Variants in SRRM3 observed in about 807,000 individuals in gnomAD.
The protein encoded by SRRM3 is serine/arginine repetitive matrix 3.
Under a neutral mutation model 66.2 loss-of-function variants are expected in SRRM3, and 27 were observed. That is an observed-to-expected ratio of 0.41 (90% CI 0.30 to 0.56). The LOEUF (loss-of-function observed/expected upper bound fraction) is 0.56. SRRM3 is among the 20% of genes least tolerant of loss of function. SRRM3 has a pLI of 0.32. For missense variants in SRRM3, 918 were observed against 991.9 expected (o/e 0.93, Z 1.00); for synonymous variants, 391 against 414.9 (o/e 0.94, Z 0.70).
intron 1 of SRRM3, among the ~76,000 whole-genome samples, chr7:76,225,974 G>A (rs1305771570): frequency 6.6e-6 from 1 of 152,120 alleles, no homozygotes; most frequent in Admixed American, 6.6e-5. Flanking sequence ...CCCCAGGGCA[G>A]GGCTGGGCCT....
At chr7:76,251,418 A>C (rs1273001691) in intron 3 of SRRM3, among the ~76,000 whole-genome samples, 2 of 147,772 alleles carry the variant, frequency 1.4e-5, no homozygotes, top group African/African-American at 5.0e-5. Flanking sequence ...TCTGTCACCC[A>C]GGCTGGAGTG....
At chr7:76,217,962 G>A (rs1410263474) in intron 1 of SRRM3, among the ~76,000 whole-genome samples, 4 of 152,164 alleles carry the variant, frequency 2.6e-5, no homozygotes, top group Non-Finnish European at 4.4e-5. Context: ...ACAAAATGGT[G>A]CAGTTTAGAC....
chr7:76,234,983 G>A (rs574700716), intron 1 of SRRM3, 45 bp from the exon 2 acceptor site: 8 of 1,140,896 alleles, frequency 7.0e-6, no homozygotes, highest in Middle Eastern at 2.9e-4. Context: ...TTAACAGGTG[G>A]CGAAGAAGTG....
rs782432008 is a variant in SRRM3 at position 76,265,385 on chromosome 7, C to T, written c.747C>T (p.Gly249=). The change falls in exon 10 of 15, where the codon GGC becomes GGT. Residue 249 remains glycine, a synonymous_variant. Transcript: ENST00000611745. ...EKKRPHTESP[G]RRSHRHSSGS... ...CCAGGCCTCACACAGAGTCCCCAGG[C>T]CGGAGGTCTCATCGCCATAGCAGTG... The T allele has an allele frequency of 1.2e-6, 2 of 1,602,124 alleles. No homozygotes were observed. The highest frequency in any genetic ancestry group is 2.3e-5 in the South Asian group (2 of 88,652).
chr7:76,247,750 A>G (rs1361719240), intron 2 of SRRM3, among the ~76,000 whole-genome samples: 1 of 152,116 alleles, frequency 6.6e-6, no homozygotes, highest in Non-Finnish European at 1.5e-5. Context: ...GCTGGTGTGC[A>G]GTGGCGTGAT....
Position 76,249,460 on chromosome 7 carries a change from C to T in SRRM3, c.335+1171C>T, listed in dbSNP as rs147728842. Among the ~76,000 whole-genome samples, 304 of 152,208 alleles carry T rather than the reference C, an allele frequency of 2.0e-3. 3 individuals carry two copies. In the Middle Eastern group the frequency reaches 0.027, roughly 14 times the overall value. ...ACAGGATAGGAGGCACACCGGTTTG[C>T]CGTGGGCCTCTGGGTGGGCCTTGGA... is the stretch of plus-strand genomic sequence containing the variant. On this transcript the variant is annotated intron_variant, in intron 3 of 14. Transcript: ENST00000611745.
chr7:76,223,612 G>A (rs566560179), intron 1 of SRRM3, among the ~76,000 whole-genome samples: 7 of 152,212 alleles, frequency 4.6e-5, no homozygotes, highest in African/African-American at 9.6e-5. Context: ...GTTCTGTCTC[G>A]TTTCTGACAG....
At chr7:76,220,933 C>T (rs1800695174) in intron 1 of SRRM3, among the ~76,000 whole-genome samples, 1 of 152,328 alleles carries the variant, frequency 6.6e-6, no homozygotes, top group East Asian at 1.9e-4. Context: ...TAACAAACAG[C>T]CGTGCCAGCA....
At chr7:76,282,612 C>G in intron 12 of SRRM3, 36 bp from the exon 13 acceptor site, 1 of 836,784 alleles carries the variant, frequency 1.2e-6, no homozygotes, top group Non-Finnish European at 1.6e-6. Flanking sequence ...CTTTCCGGGT[C>G]GCTGAGCCCT....
chr7:76,226,436 C>T (rs1800865544), intron 1 of SRRM3, among the ~76,000 whole-genome samples: 2 of 152,212 alleles, frequency 1.3e-5, no homozygotes, highest in Admixed American at 6.5e-5. Context: ...TTGGCTGGCT[C>T]CAGCATCTGG....
At chr7:76,266,893 G>C (rs1802074083) in intron 10 of SRRM3, among the ~76,000 whole-genome samples, 1 of 151,632 alleles carries the variant, frequency 6.6e-6, no homozygotes, top group Non-Finnish European at 1.5e-5. Context: ...GCCTGGTCTC[G>C]AATTCCTGAC....
chr7:76,229,726 TTTCTTC>T (rs1166139919), intron 1 of SRRM3, among the ~76,000 whole-genome samples: 3 of 150,656 alleles, frequency 2.0e-5, no homozygotes, highest in East Asian at 4.0e-4. Flanking sequence ...CCTGTTTCAC[TTTCTTC>T]TTCTTCTTCT....
At chr7:76,284,172 C>CTTTT (rs61170781) in intron 14 of SRRM3, among the ~76,000 whole-genome samples, 19 of 134,626 alleles carry the variant, frequency 1.4e-4, no homozygotes, top group Middle Eastern at 3.8e-3. Context: ...GCTACTGCTT[C>CTTTT]TTTTTTTTTT....
At chr7:76,245,412 C>T (rs986729472) in intron 2 of SRRM3, among the ~76,000 whole-genome samples, 5 of 151,992 alleles carry the variant, frequency 3.3e-5, no homozygotes, top group African/African-American at 7.3e-5. Flanking sequence ...TTTTTTAAAA[C>T]TTCGCTGGGT....
intron 2 of SRRM3, among the ~76,000 whole-genome samples, chr7:76,245,188 C>T (rs1554606058): frequency 6.6e-6 from 1 of 152,110 alleles, no homozygotes; most frequent in African/African-American, 2.4e-5. Context: ...ATGTATGAGT[C>T]AAAGCATGTG....
intron 1 of SRRM3, among the ~76,000 whole-genome samples, chr7:76,228,737 C>T (rs1395997166): frequency 1.3e-5 from 2 of 151,968 alleles, no homozygotes; most frequent in East Asian, 3.9e-4. Flanking sequence ...CAAAACAAAA[C>T]AAAACAAATC....
At chr7:76,210,684 G>T (rs1466398780) in intron 1 of SRRM3, among the ~76,000 whole-genome samples, 1 of 152,106 alleles carries the variant, frequency 6.6e-6, no homozygotes, top group African/African-American at 2.4e-5. Context: ...TGGGGGGGCG[G>T]GTAGTGCACT....
intron 2 of SRRM3, among the ~76,000 whole-genome samples, chr7:76,238,558 C>T (rs1014939550): frequency 1.3e-5 from 2 of 151,796 alleles, no homozygotes; most frequent in Admixed American, 6.6e-5. Context: ...GCAATCACCG[C>T]GGGGCGGGAC....
intron 8 of SRRM3, among the ~76,000 whole-genome samples, chr7:76,264,263 T>C (rs1554609168): frequency 6.7e-6 from 1 of 150,234 alleles, no homozygotes; most frequent in Non-Finnish European, 1.5e-5. Flanking sequence ...GCCTCCCAGG[T>C]TCAAGCGATT....
Sources: gnomAD v4.1 joint callset for allele counts (sites outside exome capture counted in the v4.1 genomes callset) on GRCh38, gnomAD v4.1.1 for gene constraint, MANE v1.5 for transcripts, NCBI Gene and HGNC (gene_info 2026-07-23, HGNC 2026-07-21) for gene names.